Variants in SLC41A3 observed in about 807,000 individuals in gnomAD.
The protein encoded by SLC41A3 is SLC41A1-like 2.
A neutral mutation model predicts 45.4 loss-of-function variants in SLC41A3; 44 were observed. That is an observed-to-expected ratio of 0.97 (90% CI 0.76 to 1.25). The LOEUF (loss-of-function observed/expected upper bound fraction) is 1.25. Ranked by LOEUF, SLC41A3 falls within the 50% of genes most tolerant of loss-of-function variation. The pLI is 0.00. For synonymous variants in SLC41A3, 256 were observed against 252.4 expected (o/e 1.01, Z -0.13); for missense variants, 550 against 600.6 (o/e 0.92, Z 0.88).
intron 2 of SLC41A3, chr3:126,057,175 C>G (rs1379717567): frequency 1.0e-6 from 1 of 985,270 alleles, no homozygotes; most frequent in African/African-American, 1.7e-5. Flanking sequence ...AAGCAGGAAG[C>G]CACGCCCTGG....
intron 3 of SLC41A3, among the ~76,000 whole-genome samples, chr3:126,046,645 C>T (rs1942976490): frequency 6.6e-6 from 1 of 152,114 alleles, no homozygotes; most frequent in South Asian, 2.1e-4. Flanking sequence ...TATCCATGGA[C>T]TGGAAGACTT....
chr3:126,014,649 A>T (rs1412587541), intron 8 of SLC41A3, among the ~76,000 whole-genome samples: 1 of 152,242 alleles, frequency 6.6e-6, no homozygotes, highest in Non-Finnish European at 1.5e-5. Flanking sequence ...GCAAGGAATA[A>T]AGACATGGTC....
intron 5 of SLC41A3, 72 bp from the exon 6 acceptor site, chr3:126,023,004 G>A (rs1941037914): frequency 1.9e-6 from 3 of 1,586,658 alleles, no homozygotes; most frequent in East Asian, 4.5e-5. Context: ...AGGCACAGCA[G>A]CACAGGGATG....
intron 2 of SLC41A3, among the ~76,000 whole-genome samples, chr3:126,051,341 T>TA (rs1286760018): frequency 2.6e-5 from 4 of 152,204 alleles, no homozygotes; most frequent in South Asian, 4.1e-4. Flanking sequence ...ATGGGTTCTC[T>TA]AGAGGCATGC....
chr3:126,088,423 A>T (rs746913941), upstream of SLC41A3, among the ~76,000 whole-genome samples: 69 of 152,318 alleles, frequency 4.5e-4, no homozygotes, highest in Non-Finnish European at 7.6e-4. Flanking sequence ...AGTCATGTTA[A>T]AACCTCAGTT....
upstream of SLC41A3, among the ~76,000 whole-genome samples, chr3:126,086,813 A>C (rs1377988632): frequency 6.6e-6 from 1 of 152,050 alleles, no homozygotes; most frequent in Non-Finnish European, 1.5e-5. Context: ...TTCTATTGCC[A>C]TGCCTAATAC....
intron 6 of SLC41A3, among the ~76,000 whole-genome samples, chr3:126,022,357 A>G (rs1373162249): frequency 1.3e-5 from 2 of 152,246 alleles, no homozygotes; most frequent in African/African-American, 4.8e-5. Flanking sequence ...AATACCAGAA[A>G]TTGGATAATT....
At chr3:126,050,918 C>T (rs922850371) in intron 3 of SLC41A3, 25 bp downstream of exon 3, 3 of 1,600,834 alleles carry the variant, frequency 1.9e-6, no homozygotes, top group African/African-American at 2.7e-5. Context: ...TTGTGGCCGC[C>T]TCGAATGTCC....
chr3:126,096,826 G>C (rs904145306), intron 1 of SLC41A3, among the ~76,000 whole-genome samples: 8 of 152,122 alleles, frequency 5.3e-5, no homozygotes, highest in Non-Finnish European at 1.2e-4. Context: ...CTGTATTTCT[G>C]TGTGTGTGTA....
intron 1 of SLC41A3, among the ~76,000 whole-genome samples, chr3:126,090,580 C>T (rs1945471114): frequency 1.3e-5 from 2 of 152,110 alleles, no homozygotes; most frequent in Non-Finnish European, 2.9e-5. Context: ...GCTCCTTTTT[C>T]TGTTCTGACA....
chr3:126,015,631 C>T, intron 7 of SLC41A3, 58 bp from the exon 8 acceptor site: 1 of 1,506,396 alleles, frequency 6.6e-7, no homozygotes, highest in Admixed American at 1.7e-5. Flanking sequence ...AGTGGCCCTG[C>T]AACTCTCCAC....
chr3:126,088,362 A>G (rs1490591565), upstream of SLC41A3, among the ~76,000 whole-genome samples: 1 of 152,198 alleles, frequency 6.6e-6, no homozygotes, highest in Non-Finnish European at 1.5e-5. Flanking sequence ...CTTTGGTAAA[A>G]GTAATTTGGC....
chr3:126,072,518 A>C (rs1304908676), intron 1 of SLC41A3, among the ~76,000 whole-genome samples: 1 of 152,244 alleles, frequency 6.6e-6, no homozygotes, highest in Admixed American at 6.5e-5. Flanking sequence ...CATTACAACC[A>C]AAACTAAACA....
chr3:126,045,157 G>T (rs1942880039), intron 3 of SLC41A3, among the ~76,000 whole-genome samples: 1 of 151,718 alleles, frequency 6.6e-6, no homozygotes, highest in Non-Finnish European at 1.5e-5. Context: ...GAAATTTATA[G>T]CTGTAATCAA....
At chr3:126,056,110 A>C (rs1160826497) in intron 2 of SLC41A3, among the ~76,000 whole-genome samples, 1 of 152,172 alleles carries the variant, frequency 6.6e-6, no homozygotes, top group African/African-American at 2.4e-5. Context: ...TGGGCTGAGG[A>C]GGCACATGCA....
chr3:126,045,178 A>G (rs987345570), intron 3 of SLC41A3, among the ~76,000 whole-genome samples: 1 of 152,006 alleles, frequency 6.6e-6, no homozygotes, highest in African/African-American at 2.4e-5. Flanking sequence ...TTCCATTAAA[A>G]AAAGAAGACC....
Position 126,006,857 on chromosome 3 carries a change from G to C in SLC41A3, c.*159C>G, listed in dbSNP as rs1481351062. 1.4e-6 allele frequency: 2 copies of C among 1,480,976 alleles called. No individual in the cohort carries two copies. The highest frequency in any genetic ancestry group is 2.4e-5 in the East Asian group (1 of 42,204). The allele number at this position is 1,480,976 out of a possible 1,614,324, so 91.7% of individuals were successfully genotyped here. ...ATTGCAGGCTCAGGTATCAACCCCA[G>C]AGCCGAGGTGTGTGAGAGCTACCTT... On this transcript the variant is annotated 3_prime_UTR_variant, in exon 11 of 11. Transcript: ENST00000360370.
chr3:126,094,683 C>T (rs912550077), intron 1 of SLC41A3, among the ~76,000 whole-genome samples: 3 of 152,192 alleles, frequency 2.0e-5, no homozygotes, highest in African/African-American at 7.2e-5. Flanking sequence ...ATAATTCCTG[C>T]AGTAAACAAC....
chr3:126,065,855 C>G (rs1329361594), intron 2 of SLC41A3, among the ~76,000 whole-genome samples: 1 of 152,064 alleles, frequency 6.6e-6, no homozygotes. Context: ...AATAAGAAAA[C>G]AGAAAAACAC....
Sources: allele counts gnomAD v4.1 joint callset (sites outside exome capture counted in the v4.1 genomes callset), GRCh38; gene constraint gnomAD v4.1.1; transcripts MANE v1.5; gene names NCBI Gene and HGNC (gene_info 2026-07-23, HGNC 2026-07-21).